HK1: variants seen among roughly 807,000 people sequenced by gnomAD.
The protein encoded by HK1 is hexokinase-1.
A neutral mutation model predicts 91.6 loss-of-function variants in HK1; 28 were observed. That is an observed-to-expected ratio of 0.31 (90% CI 0.23 to 0.42). The LOEUF (loss-of-function observed/expected upper bound fraction) is 0.42, where lower values mean the gene tolerates loss of function less well. Among genes scored for constraint, HK1 ranks in the 10% least tolerant of loss-of-function variants. The pLI, the probability that HK1 is intolerant of heterozygous loss-of-function variation, is 1.00. For missense variants in HK1, 770 were observed against 1,219.8 expected (o/e 0.63, Z 5.49); for synonymous variants, 430 against 468.1 (o/e 0.92, Z 1.05).
At chr10:69,333,389 T>C (rs1285791187) in intron 1 of HK1, among the ~76,000 whole-genome samples, 2 of 152,228 alleles carry the variant, frequency 1.3e-5, no homozygotes, top group Non-Finnish European at 2.9e-5. Context: ...TGCTAAGCCA[T>C]CCACCAGGAG....
chr10:69,389,789 C>T (rs4745987), intron 14 of HK1, among the ~76,000 whole-genome samples: 73,677 of 152,002 alleles, frequency 0.48, 18,758 homozygotes, highest in South Asian at 0.63. Flanking sequence ...TTGCCTTTAG[C>T]AGCCACTGTG....
chr10:69,400,937 G>GCCCAGCGTCTCTCATCTTCCT, intron 17 of HK1, 54 bp from the exon 18 acceptor site: 1 of 1,604,104 alleles, frequency 6.2e-7, no homozygotes, highest in Non-Finnish European at 8.5e-7. Flanking sequence ...TTTCGGGTAG[G>GCCCAGCGTCTCTCATCTTCCT]CCCAGCGTCT....
intron 17 of HK1, among the ~76,000 whole-genome samples, chr10:69,399,167 A>C (rs1398291008): frequency 6.6e-6 from 1 of 152,092 alleles, no homozygotes; most frequent in Non-Finnish European, 1.5e-5. Flanking sequence ...AAGCCTGGTG[A>C]GCTGTAGCCA....
At chr10:69,325,763 C>T (rs1847323902) in intron 1 of HK1, among the ~76,000 whole-genome samples, 2 of 151,786 alleles carry the variant, frequency 1.3e-5, no homozygotes, top group South Asian at 4.2e-4. Flanking sequence ...TTTCAAACTC[C>T]TGACCGCAAG....
At chr10:69,359,027 G>C (rs1218749570) in intron 2 of HK1, among the ~76,000 whole-genome samples, 1 of 151,700 alleles carries the variant, frequency 6.6e-6, no homozygotes, top group Non-Finnish European at 1.5e-5. Context: ...TAGCCCAGGT[G>C]ACAGAGCAAG....
chr10:69,355,968 A>G (rs1849106289), intron 2 of HK1, among the ~76,000 whole-genome samples: 1 of 152,214 alleles, frequency 6.6e-6, no homozygotes, highest in Non-Finnish European at 1.5e-5. Flanking sequence ...CATACCATAT[A>G]TAAAATTAAC....
intron 3 of HK1, chr10:69,292,254 G>A: frequency 3.1e-6 from 1 of 326,486 alleles, no homozygotes; most frequent in Non-Finnish European, 6.1e-6. Context: ...ATTTTTTTTT[G>A]TAGAGACAGG....
intron 5 of HK1, among the ~76,000 whole-genome samples, chr10:69,303,521 A>C (rs758882037): frequency 2.0e-5 from 3 of 152,162 alleles, no homozygotes; most frequent in Non-Finnish European, 4.4e-5. Context: ...AAATCCATGC[A>C]CCATGGGTCA....
chr10:69,307,229 A>T (rs1376883097), intron 5 of HK1, among the ~76,000 whole-genome samples: 1 of 152,066 alleles, frequency 6.6e-6, no homozygotes, highest in African/African-American at 2.4e-5. Flanking sequence ...GAGAGAGGAG[A>T]CATACTCAGC....
Position 69,276,118 on chromosome 10 carries a change from A to AAAAAATATATATAT in HK1, c.-391+6011_-391+6012insAAAATATATATATA. ...AAAAAAAAAAAAAAAAAAAAAAAAA[A>AAAAAATATATATAT]ATACATATATATATATATATACACA... On this transcript the variant is annotated intron_variant, in intron 1 of 21. Transcript: ENST00000360289. Among the ~76,000 whole-genome samples the AAAAAATATATATAT allele has an allele frequency of 2.2e-3, 85 of 38,256 alleles. 13 individuals are homozygous for AAAAAATATATATAT. The highest frequency in any genetic ancestry group is 4.7e-3 in the South Asian group (3 of 642). The allele number at this position is 38,256 out of a possible 152,430, so 25.1% of individuals were successfully genotyped here.
intron 1 of HK1, among the ~76,000 whole-genome samples, chr10:69,322,781 T>G (rs973557510): frequency 2.0e-5 from 3 of 151,664 alleles, no homozygotes; most frequent in Non-Finnish European, 2.9e-5. Flanking sequence ...TCCCAGCTAC[T>G]TGGGAGGCTG....
Position 69,360,024 on chromosome 10 carries a change from C to G in HK1, c.354C>G (p.Ile118Met), listed in dbSNP as rs533615871. ...ESEVYDTPEN[I>M]VHGSGSQLFD... ...AGGTTTATGACACCCCAGAGAACAT[C>G]GTGCACGGCAGTGGAAGCCAGGTGG... Residue 118 changes from isoleucine to methionine, a missense_variant, in exon 3 of 18, where the codon ATC becomes ATG. Coordinates refer to ENST00000359426, the MANE Select transcript of HK1 (RefSeq NM_000188.3). 2 of 1,613,976 alleles carry G rather than the reference C, an allele frequency of 1.2e-6. No homozygotes were observed. The highest frequency in any genetic ancestry group is 2.2e-5 in the East Asian group (1 of 44,894).
chr10:69,319,470 G>A (rs1259167373), intron 1 of HK1, among the ~76,000 whole-genome samples: 2 of 152,224 alleles, frequency 1.3e-5, no homozygotes, highest in Non-Finnish European at 2.9e-5. Context: ...GAGGGTGTCG[G>A]GTGCCCCGGA....
intron 2 of HK1, among the ~76,000 whole-genome samples, chr10:69,287,698 A>C (rs866813012): frequency 6.6e-6 from 1 of 152,302 alleles, no homozygotes; most frequent in Middle Eastern, 3.4e-3. Flanking sequence ...GCACAACCTT[A>C]TGAATATACA....
chr10:69,301,573 C>CA (rs3086649), intron 5 of HK1, among the ~76,000 whole-genome samples: 3,073 of 80,626 alleles, frequency 0.038, 201 homozygotes, highest in African/African-American at 0.13. Flanking sequence ...GACTCTGTCT[C>CA]AAAAAAAAAA....
At chr10:69,278,378 C>T (rs1368229286) in intron 1 of HK1, 3 of 152,184 alleles carry the variant, frequency 2.0e-5, no homozygotes, top group African/African-American at 7.2e-5. Flanking sequence ...GCCCACTCAC[C>T]CATCCCATTT....
In HK1 at chr10:69,360,352, T is replaced by G. The variant is rs955177218; in HGVS notation, c.375+307T>G. ...CTGTTGGGTAAATGCACTCATTCCC[T>G]GTGGATCCTGGGGTCGGTTCCCCAG... is the stretch of plus-strand genomic sequence containing the variant. On this transcript the variant is annotated intron_variant, in intron 3 of 17. Coordinates refer to ENST00000359426, the MANE Select transcript of HK1 (RefSeq NM_000188.3). 3.3e-5 allele frequency among the ~76,000 whole-genome samples: 5 copies of G among 152,334 alleles called. No individual in the cohort carries two copies. In the East Asian group the frequency reaches 9.7e-4, roughly 29 times the overall value.
chr10:69,277,580 G>T (rs1427962795), intron 1 of HK1, among the ~76,000 whole-genome samples: 3 of 152,152 alleles, frequency 2.0e-5, no homozygotes, highest in Middle Eastern at 6.8e-3. Flanking sequence ...AATAAATAAA[G>T]AAATAAATAG....
intron 13 of HK1, among the ~76,000 whole-genome samples, chr10:69,388,537 AAC>A (rs57640630): frequency 7.1e-4 from 107 of 151,664 alleles, no homozygotes; most frequent in Admixed American, 3.1e-3. Flanking sequence ...TGCATATGCC[AAC>A]ACACACACAC....
Sources: allele counts gnomAD v4.1 joint callset (sites outside exome capture counted in the v4.1 genomes callset), GRCh38; gene constraint gnomAD v4.1.1; transcripts MANE v1.5; gene names NCBI Gene and HGNC (gene_info 2026-07-23, HGNC 2026-07-21).